Variants in DNER observed in about 807,000 individuals in gnomAD.
DNER encodes delta/notch like EGF repeat containing, also known as delta and Notch-like epidermal growth factor-related receptor.
DNER carries 33 observed loss-of-function variants against 78.2 expected under a neutral mutation model. The observed-to-expected ratio is 0.42, with a 90% CI of 0.32 to 0.56. DNER has a LOEUF of 0.56. DNER is among the 20% of genes least tolerant of loss of function. DNER has a pLI of 0.11. For synonymous variants in DNER, 417 were observed against 384.8 expected (o/e 1.08, Z -0.98); for missense variants, 918 against 975.3 (o/e 0.94, Z 0.78).
At chr2:229,559,075 C>G (rs1405269093) in intron 4 of DNER, among the ~76,000 whole-genome samples, 1 of 152,130 alleles carries the variant, frequency 6.6e-6, no homozygotes, top group East Asian at 1.9e-4. Flanking sequence ...AGAAATTACA[C>G]ATAGATAGTT....
At chr2:229,380,639 G>A (rs1048867579) in intron 11 of DNER, among the ~76,000 whole-genome samples, 1 of 151,214 alleles carries the variant, frequency 6.6e-6, no homozygotes, top group Admixed American at 6.6e-5. Context: ...TTGAAAACTC[G>A]ATTGCAGTCA....
intron 1 of DNER, among the ~76,000 whole-genome samples, chr2:229,598,707 C>G (rs1380747302): frequency 1.3e-5 from 2 of 152,156 alleles, no homozygotes; most frequent in Admixed American, 6.5e-5. Flanking sequence ...ATTCTGGATG[C>G]CTCCACCAAG....
intron 5 of DNER, among the ~76,000 whole-genome samples, chr2:229,534,386 C>T (rs1380733156): frequency 6.6e-6 from 1 of 152,086 alleles, no homozygotes; most frequent in East Asian, 1.9e-4. Flanking sequence ...TGTAATGTAA[C>T]AGACCAATAG....
chr2:229,362,076 C>T (rs1692229432), intron 12 of DNER, among the ~76,000 whole-genome samples: 2 of 152,126 alleles, frequency 1.3e-5, no homozygotes, highest in Admixed American at 1.3e-4. Context: ...CACTCCCCCT[C>T]CTCCTGAAAA....
intron 7 of DNER, among the ~76,000 whole-genome samples, chr2:229,455,823 TC>T (rs1234689899): frequency 2.6e-5 from 4 of 152,086 alleles, no homozygotes; most frequent in African/African-American, 9.7e-5. Flanking sequence ...AACTCTCACA[TC>T]AATCCTATGA....
intron 9 of DNER, among the ~76,000 whole-genome samples, chr2:229,410,621 C>A (rs1190726277): frequency 6.6e-6 from 1 of 152,194 alleles, no homozygotes; most frequent in Non-Finnish European, 1.5e-5. Flanking sequence ...CAAAAATAAA[C>A]TGTAATTCAG....
intron 6 of DNER, among the ~76,000 whole-genome samples, chr2:229,499,730 A>C (rs970205734): frequency 5.3e-5 from 8 of 152,152 alleles, no homozygotes; most frequent in Non-Finnish European, 1.2e-4. Context: ...GGATTACATC[A>C]AACTAAAAAG....
chr2:229,590,868 C>A (rs1456121981), intron 2 of DNER, among the ~76,000 whole-genome samples: 1 of 152,176 alleles, frequency 6.6e-6, no homozygotes, highest in African/African-American at 2.4e-5. Context: ...ATGTTTGGGC[C>A]ATGGGGGCAG....
chr2:229,382,670 G>A (rs763759835), intron 11 of DNER, among the ~76,000 whole-genome samples: 12 of 151,678 alleles, frequency 7.9e-5, no homozygotes, highest in Non-Finnish European at 1.6e-4. Context: ...GGATATAAGA[G>A]ACTGAAGACC....
chr2:229,363,682 C>T (rs1186775955), intron 12 of DNER, among the ~76,000 whole-genome samples: 4 of 152,224 alleles, frequency 2.6e-5, no homozygotes, highest in Non-Finnish European at 5.9e-5. Flanking sequence ...TTTGTAAATG[C>T]TTTCAAGTTT....
At chr2:229,610,413 C>G (rs562851221) in intron 1 of DNER, among the ~76,000 whole-genome samples, 1 of 152,184 alleles carries the variant, frequency 6.6e-6, no homozygotes, top group African/African-American at 2.4e-5. Flanking sequence ...AACTGAGACC[C>G]GCATTCAGAT....
At chr2:229,442,209 A>T (rs757347339) in intron 8 of DNER, among the ~76,000 whole-genome samples, 92 of 152,304 alleles carry the variant, frequency 6.0e-4, no homozygotes, top group Non-Finnish European at 1.1e-3. Context: ...CCCCTACAGC[A>T]TGTTAAATAT....
At chr2:229,392,042 G>A (rs1232955237) in intron 10 of DNER, among the ~76,000 whole-genome samples, 1 of 152,038 alleles carries the variant, frequency 6.6e-6, no homozygotes, top group Admixed American at 6.5e-5. Flanking sequence ...CCCACTAAAA[G>A]ATATTGATGA....
chr2:229,374,283 G>C (rs1448536542), intron 11 of DNER, among the ~76,000 whole-genome samples: 7 of 152,110 alleles, frequency 4.6e-5, no homozygotes, highest in African/African-American at 1.7e-4. Flanking sequence ...AAAACTAATG[G>C]GGACTATAGT....
chr2:229,538,835 G>T (rs776302800), intron 5 of DNER, among the ~76,000 whole-genome samples: 1 of 152,068 alleles, frequency 6.6e-6, no homozygotes, highest in Non-Finnish European at 1.5e-5. Flanking sequence ...CCCCGTGCCC[G>T]GCCCAAGAAA....
chr2:229,663,147 G>A (rs1699036257), intron 1 of DNER, among the ~76,000 whole-genome samples: 1 of 152,018 alleles, frequency 6.6e-6, no homozygotes, highest in African/African-American at 2.4e-5. Flanking sequence ...TTTGATCTAG[G>A]AAAAATGCAA....
chr2:229,407,258 G>A lies in DNER; in HGVS notation c.1697C>T (p.Thr566Met), dbSNP rs376450963. ...TGTAAACCCGGGTGCACAGATGCAC[G>A]TGCCATTCAGGCCGTCGCTGTCACA... ...ATCDSDGLNG[T>M]CICAPGFTGE... Residue 566 changes from threonine (T) to methionine (M), a missense_variant, in exon 10 of 13, where the codon ACG (threonine) becomes ATG (methionine). Physicochemically the swap from Thr to Met is moderately conservative, Grantham distance 81 (BLOSUM62 -1). Coordinates refer to ENST00000341772, the MANE Select transcript of DNER (RefSeq NM_139072.4). 1.5e-5 allele frequency: 25 copies of A among 1,613,266 alleles called. No homozygotes were observed. The highest frequency in any genetic ancestry group is 1.1e-4 in the African/African-American group (8 of 74,890).
At chr2:229,695,347 C>T (rs1487216150) in intron 1 of DNER, among the ~76,000 whole-genome samples, 1 of 151,958 alleles carries the variant, frequency 6.6e-6, no homozygotes, top group South Asian at 2.1e-4. Context: ...GGGAAAGGAA[C>T]CTAGCATGTA....
In DNER at chr2:229,413,560, A is replaced by G. The variant is rs559912340; in HGVS notation, c.1609+4548T>C. 1.1e-3 allele frequency among the ~76,000 whole-genome samples: 169 copies of G among 151,120 alleles called. 2 individuals carry two copies. Among genetic ancestry groups the G allele is most frequent in the South Asian group, 7.5e-3 (36 of 4,806 alleles). On this transcript the variant is annotated intron_variant, in intron 9 of 12. Transcript: ENST00000341772. ...CTGGTCTCGAACTCCTGACCTCATT[A>G]TCTGCCGGCCTCAGCCTCCCAAAGT...
Sources: gnomAD v4.1 joint callset for allele counts (sites outside exome capture counted in the v4.1 genomes callset) on GRCh38, gnomAD v4.1.1 for gene constraint, MANE v1.5 for transcripts, NCBI Gene and HGNC (gene_info 2026-07-23, HGNC 2026-07-21) for gene names.